Variants in PAPSS2 observed in about 807,000 individuals in gnomAD.
The protein encoded by PAPSS2 is 3'-phosphoadenosine 5'-phosphosulfate synthase 2, also known as bifunctional 3'-phosphoadenosine 5'-phosphosulfate synthase 2.
PAPSS2 carries 61 observed loss-of-function variants against 66.5 expected under a neutral mutation model. The observed-to-expected ratio is 0.92, with a 90% CI of 0.75 to 1.14. The LOEUF is 1.14. Ranked by LOEUF, PAPSS2 falls within the 50% of genes most tolerant of loss-of-function variation. PAPSS2 has a pLI of 0.00. For synonymous variants in PAPSS2, 289 were observed against 287.5 expected, an observed-to-expected ratio of 1.01 and a Z score of -0.05; for missense variants, 708 against 789.6, an observed-to-expected ratio of 0.90 and a Z score of 1.24.
At chr10:87,706,937 T>A (rs1853398921) in intron 1 of PAPSS2, among the ~76,000 whole-genome samples, 1 of 152,210 alleles carries the variant, frequency 6.6e-6, no homozygotes, top group South Asian at 2.1e-4. Flanking sequence ...GCCCAGCCAC[T>A]TCCAAGTCTT....
chr10:87,672,767 T>G (rs1170647241), intron 1 of PAPSS2, among the ~76,000 whole-genome samples: 2 of 152,206 alleles, frequency 1.3e-5, no homozygotes, highest in Non-Finnish European at 1.5e-5. Flanking sequence ...AATCATATCC[T>G]GTGGGCCAAA....
chr10:87,721,258 T>C (rs1443889833), intron 7 of PAPSS2, among the ~76,000 whole-genome samples: 1 of 152,226 alleles, frequency 6.6e-6, no homozygotes, highest in Non-Finnish European at 1.5e-5. Flanking sequence ...GATCTAATGT[T>C]GGTGCTTGTT....
chr10:87,675,971 CTTTTTTTT>C (rs5786787), intron 1 of PAPSS2, among the ~76,000 whole-genome samples: 1 of 127,962 alleles, frequency 7.8e-6, no homozygotes, highest in Non-Finnish European at 1.6e-5. Flanking sequence ...TTCCACATTT[CTTTTTTTT>C]TTTTTTTTTT....
intron 1 of PAPSS2, among the ~76,000 whole-genome samples, chr10:87,686,273 T>C (rs562735364): frequency 1.3e-5 from 2 of 151,550 alleles, no homozygotes; most frequent in Non-Finnish European, 2.9e-5. Context: ...TGTCCTTTTT[T>C]TTCTAGACAC....
chr10:87,672,508 A>T (rs975612304), intron 1 of PAPSS2, among the ~76,000 whole-genome samples: 4 of 152,230 alleles, frequency 2.6e-5, no homozygotes, highest in Non-Finnish European at 2.9e-5. Context: ...GGACAATGGG[A>T]ACTACACCAT....
intron 1 of PAPSS2, among the ~76,000 whole-genome samples, chr10:87,690,369 T>G (rs998925908): frequency 6.6e-6 from 1 of 152,114 alleles, no homozygotes; most frequent in African/African-American, 2.4e-5. Flanking sequence ...ATTTTAAAAT[T>G]TATGCATAAA....
At chr10:87,733,495 A>G (rs1484841093) in intron 9 of PAPSS2, among the ~76,000 whole-genome samples, 1 of 152,232 alleles carries the variant, frequency 6.6e-6, no homozygotes, top group African/African-American at 2.4e-5. Flanking sequence ...TTTCTTGTAC[A>G]AACCAAGAGA....
At chr10:87,741,160 C>A in intron 9 of PAPSS2, 75 bp from the exon 10 acceptor site, 2 of 1,473,708 alleles carry the variant, frequency 1.4e-6, no homozygotes, top group Non-Finnish European at 1.9e-6. Flanking sequence ...CGAGATTGGT[C>A]TAAAAGGAGA....
At chr10:87,713,368 T>TGCA in intron 3 of PAPSS2, 58 bp downstream of exon 3, 1 of 966,050 alleles carries the variant, frequency 1.0e-6, no homozygotes, top group Non-Finnish European at 1.6e-6. Flanking sequence ...ACAGTGCAAG[T>TGCA]GCTCTCCAAC....
intron 1 of PAPSS2, among the ~76,000 whole-genome samples, chr10:87,677,071 G>A (rs1427367724): frequency 6.6e-6 from 1 of 151,906 alleles, no homozygotes; most frequent in African/African-American, 2.4e-5. Context: ...GCACACTCCT[G>A]TAATCCCAGC....
intron 1 of PAPSS2, among the ~76,000 whole-genome samples, chr10:87,663,449 C>T (rs994101149): frequency 1.3e-5 from 2 of 152,126 alleles, no homozygotes; most frequent in Admixed American, 6.5e-5. Context: ...AAGACACTAC[C>T]GAAGGCAAGA....
intron 1 of PAPSS2, 65 bp from the exon 2 acceptor site, chr10:87,709,131 T>C (rs1305339566): frequency 7.9e-6 from 8 of 1,018,794 alleles, no homozygotes; most frequent in Non-Finnish European, 9.3e-6. Context: ...GGATTTATAT[T>C]GGCTCCAGTG....
chr10:87,709,178 T>C lies in PAPSS2; in HGVS notation c.28-18T>C. 6.6e-7 allele frequency: 1 copy of C among 1,519,564 alleles called. No homozygotes were observed. Among genetic ancestry groups the C allele is most frequent in the South Asian group, 1.1e-5 (1 of 89,248 alleles). 94.1% of individuals were successfully genotyped at this position (1,519,564 alleles called of 1,614,324 possible). A position where few individuals can be genotyped will look rare whatever the true frequency, so the allele number is the denominator to read the frequency against. On this transcript the variant is annotated intron_variant, in intron 1 of 12. Transcript: ENST00000456849. ...TTTTATTAATTAATACTGTGCTTGG[T>C]TTTGTCTTATTTTATAGGAGAACCA...
rs139187418 is a variant in PAPSS2 at position 87,716,092 on chromosome 10, G to A, written c.865+249G>A. The stretch of plus-strand genomic sequence containing the variant: ...ATGGTGTAAAGCCAAGAGAAAGACA[G>A]GTCTGTTTCATCTCCACTTGCTCTT... On this transcript the variant is annotated intron_variant, in intron 7 of 12. Transcript: ENST00000456849. Among the ~76,000 whole-genome samples, 3 of 152,272 alleles carry A rather than the reference G, an allele frequency of 2.0e-5. No individual in the cohort carries two copies. The East Asian group carries it at 5.8e-4, about 29-fold the overall frequency.
intron 1 of PAPSS2, among the ~76,000 whole-genome samples, chr10:87,702,100 T>C (rs965545942): frequency 6.6e-6 from 1 of 152,246 alleles, no homozygotes; most frequent in East Asian, 1.9e-4. Flanking sequence ...CATTTGAAGC[T>C]ACTCATGTTA....
chr10:87,663,598 G>T (rs1049481505), intron 1 of PAPSS2, among the ~76,000 whole-genome samples: 18 of 152,134 alleles, frequency 1.2e-4, no homozygotes, highest in African/African-American at 4.1e-4. Context: ...AATACCAGGG[G>T]CAGGGCACTA....
intron 9 of PAPSS2, among the ~76,000 whole-genome samples, chr10:87,730,142 G>A (rs1348961397): frequency 1.3e-5 from 2 of 152,196 alleles, no homozygotes; most frequent in African/African-American, 2.4e-5. Flanking sequence ...CAATGTAGGG[G>A]TCAAGGGAAA....
At chr10:87,702,206 G>A (rs939727665) in intron 1 of PAPSS2, among the ~76,000 whole-genome samples, 2 of 152,184 alleles carry the variant, frequency 1.3e-5, no homozygotes, top group Non-Finnish European at 2.9e-5. Flanking sequence ...AATCCTCAGG[G>A]AGGAAGCTGT....
chr10:87,715,893 A>C (rs761784117), intron 7 of PAPSS2, 50 bp downstream of exon 7: 4 of 1,212,448 alleles, frequency 3.3e-6, no homozygotes, highest in Non-Finnish European at 4.9e-6. Flanking sequence ...GAAAAAAAAA[A>C]ATCTTTCCCA....
Sources: allele counts gnomAD v4.1 joint callset (sites outside exome capture counted in the v4.1 genomes callset), GRCh38; gene constraint gnomAD v4.1.1; transcripts MANE v1.5; gene names NCBI Gene and HGNC (gene_info 2026-07-23, HGNC 2026-07-21).